CHST10: variants seen among roughly 807,000 people sequenced by gnomAD.
CHST10 encodes the protein HNK-1 sulfotransferase.
Under a neutral mutation model 34.7 loss-of-function variants are expected in CHST10, and 24 were observed. That is an observed-to-expected ratio of 0.69 (90% CI 0.50 to 0.97). The LOEUF (loss-of-function observed/expected upper bound fraction) is 0.97. Among genes scored for constraint, CHST10 ranks in the 50% least tolerant of loss-of-function variants. CHST10 has a pLI of 0.00. For missense variants in CHST10, 402 were observed against 452.1 expected, an observed-to-expected ratio of 0.89 and a Z score of 1.00; for synonymous variants, 161 against 169.3, an observed-to-expected ratio of 0.95 and a Z score of 0.38.
At chr2:100,405,016 C>G (rs1675507854) in intron 3 of CHST10, among the ~76,000 whole-genome samples, 1 of 152,200 alleles carries the variant, frequency 6.6e-6, no homozygotes, top group Admixed American at 6.5e-5. Flanking sequence ...CAAGCAGCAG[C>G]AGGTCTGTAA....
intron 6 of CHST10, among the ~76,000 whole-genome samples, chr2:100,394,519 GGT>G (rs556386658): frequency 9.2e-5 from 14 of 152,288 alleles, no homozygotes; most frequent in African/African-American, 3.1e-4. Flanking sequence ...GAGCATCTCT[GGT>G]AAGGGTTGTA....
intron 6 of CHST10, among the ~76,000 whole-genome samples, chr2:100,394,559 G>A (rs1376628538): frequency 6.6e-6 from 1 of 152,176 alleles, no homozygotes; most frequent in Non-Finnish European, 1.5e-5. Context: ...TGCAGGTCAG[G>A]CGCCATGCAA....
At chr2:100,412,307 T>C (rs1199159171) in intron 2 of CHST10, among the ~76,000 whole-genome samples, 1 of 152,178 alleles carries the variant, frequency 6.6e-6, no homozygotes, top group African/African-American at 2.4e-5. Flanking sequence ...CCACATTATC[T>C]GGTGTGGTGG....
At chr2:100,404,255 C>A (rs777523312) in intron 3 of CHST10, among the ~76,000 whole-genome samples, 3 of 152,288 alleles carry the variant, frequency 2.0e-5, no homozygotes, top group South Asian at 4.1e-4. Context: ...GCACACTGTG[C>A]GGCCAACAGC....
At chr2:100,411,220 G>A (rs950802765) in intron 2 of CHST10, among the ~76,000 whole-genome samples, 2 of 150,846 alleles carry the variant, frequency 1.3e-5, no homozygotes, top group East Asian at 1.9e-4. Flanking sequence ...GGGTTCAAGC[G>A]ATTCTCCTGC....
chr2:100,393,854 A>AG, intron 6 of CHST10, 72 bp from the exon 7 acceptor site: 1 of 1,283,958 alleles, frequency 7.8e-7, no homozygotes. Context: ...GGGAGAGGGA[A>AG]GAATGAGCGG....
intron 2 of CHST10, among the ~76,000 whole-genome samples, chr2:100,412,264 G>A (rs1260547697): frequency 6.6e-6 from 1 of 152,182 alleles, no homozygotes; most frequent in Non-Finnish European, 1.5e-5. Flanking sequence ...CTCTGGCTGT[G>A]GCTCTAGAAG....
Position 100,409,411 on chromosome 2 carries a change from G to A in CHST10, c.-32-2704C>T, listed in dbSNP as rs1043684558. On this transcript the variant is annotated intron_variant, in intron 2 of 6. Transcript: ENST00000264249. ...TCCAACTACATGAGTTGAAAACTGA[G>A]AGGTGCACTCTCCTGAAGCCATATG... Among the ~76,000 whole-genome samples, 9 of 152,316 alleles carry A rather than the reference G, an allele frequency of 5.9e-5. No homozygotes were observed. In the South Asian group the frequency reaches 1.2e-3, roughly 21 times the overall value.
At chr2:100,400,315 C>T (rs1253079761) in intron 4 of CHST10, among the ~76,000 whole-genome samples, 1 of 152,234 alleles carries the variant, frequency 6.6e-6, no homozygotes, top group African/African-American at 2.4e-5. Context: ...TCATGACTCA[C>T]TATAGCCTCC....
At position 100,392,314 on chromosome 2, in the gene CHST10, C is replaced by T. The variant is rs549078001; in HGVS notation, c.*931G>A. 2 of 152,504 alleles carry T rather than the reference C, an allele frequency of 1.3e-5. No individual in the cohort carries two copies. Among genetic ancestry groups the T allele is most frequent in the Non-Finnish European group, 2.9e-5 (2 of 68,082 alleles). The allele number at this position is 152,504 out of a possible 1,614,324, so 9.4% of individuals were successfully genotyped here. ...CAGGTTGCCCCTGCTCGTCTTCAGC[C>T]CCAACATGGGAGCTCCCTGGAGAAG... On this transcript the variant is annotated 3_prime_UTR_variant, in exon 7 of 7. Coordinates refer to ENST00000264249, the MANE Select transcript of CHST10 (RefSeq NM_004854.5).
intron 2 of CHST10, among the ~76,000 whole-genome samples, chr2:100,409,968 G>A (rs762896697): frequency 1.3e-5 from 2 of 152,092 alleles, no homozygotes; most frequent in Non-Finnish European, 1.5e-5. Flanking sequence ...TCTTGTCCCC[G>A]GGATGGTACC....
At chr2:100,415,796 G>A (rs1009399880) in intron 1 of CHST10, 1 of 152,140 alleles carries the variant, frequency 6.6e-6, no homozygotes, top group Non-Finnish European at 1.5e-5. Flanking sequence ...GTATCGTTAG[G>A]CGATGTTCTT....
rs570679582 is a variant in CHST10 at position 100,393,466 on chromosome 2, C to G, written c.850G>C (p.Glu284Gln). 2 of 1,614,152 alleles carry G rather than the reference C, an allele frequency of 1.2e-6. No homozygotes were observed. Among genetic ancestry groups the G allele is most frequent in the East Asian group, 4.5e-5 (2 of 44,874 alleles). ...TATGGGGCATCGTCCTCCAGGGTCTCGTGGTGTCCAATCACACTGTACATT... is the reference window on the plus strand; with the variant it reads ...TATGGGGCATCGTCCTCCAGGGTCTGGTGGTGTCCAATCACACTGTACATT... The part of the protein sequence containing the change: ...EIMYSVIGHH[E>Q]TLEDDAPYIL... The change falls in exon 7 of 7, where the codon GAG becomes CAG. Residue 284 changes from glutamate to glutamine, a missense_variant. Glu to Gln is a conservative substitution (Grantham distance 29). Transcript: ENST00000264249.
chr2:100,404,717 A>G (rs1423601636), intron 3 of CHST10, among the ~76,000 whole-genome samples: 2 of 152,230 alleles, frequency 1.3e-5, no homozygotes, highest in Non-Finnish European at 2.9e-5. Context: ...CTGCCAGATA[A>G]CAGTAAAACA....
At chr2:100,397,295 ACTTT>A in intron 5 of CHST10, among the ~76,000 whole-genome samples, 1 of 152,284 alleles carries the variant, frequency 6.6e-6, no homozygotes, top group Non-Finnish European at 1.5e-5. Context: ...GTATGAGGTT[ACTTT>A]GTGATGATCT....
intron 2 of CHST10, 116 bp from the exon 3 acceptor site, chr2:100,406,823 T>C: frequency 8.1e-7 from 1 of 1,233,894 alleles, no homozygotes; most frequent in African/African-American, 1.5e-5. Flanking sequence ...TTTCCGTTTT[T>C]TTCCACTGCT....
At chr2:100,395,679 T>C in intron 5 of CHST10, 65 bp from the exon 6 acceptor site, 1 of 1,263,190 alleles carries the variant, frequency 7.9e-7, no homozygotes, top group East Asian at 2.3e-5. Flanking sequence ...GAAGGGCATG[T>C]CCTTACCTCA....
intron 5 of CHST10, among the ~76,000 whole-genome samples, chr2:100,396,146 TC>T (rs1379284020): frequency 6.6e-6 from 1 of 152,146 alleles, no homozygotes; most frequent in African/African-American, 2.4e-5. Context: ...CCCAGCAGCA[TC>T]CCAGGCTGGC....
chr2:100,417,180 T>C (rs1320644974), intron 1 of CHST10, 194 bp downstream of exon 1: 3 of 640,768 alleles, frequency 4.7e-6, no homozygotes, highest in African/African-American at 3.7e-5. Context: ...GACGCCTTCT[T>C]ATTGCATAAT....
Sources: allele counts gnomAD v4.1 joint callset (sites outside exome capture counted in the v4.1 genomes callset), GRCh38; gene constraint gnomAD v4.1.1; transcripts MANE v1.5; gene names NCBI Gene and HGNC (gene_info 2026-07-23, HGNC 2026-07-21).